GALNT17: variants seen among roughly 807,000 people sequenced by gnomAD.
The protein encoded by GALNT17 is polypeptide N-acetylgalactosaminyltransferase 17.
In GALNT17, 29 loss-of-function variants were observed where a neutral mutation model predicts 63.7. The ratio of observed to expected loss-of-function variants is 0.46; its 90% CI spans 0.34 to 0.62. GALNT17 has a LOEUF of 0.62. Among genes scored for constraint, GALNT17 ranks in the 20% least tolerant of loss-of-function variants. GALNT17 has a pLI of 0.01. For missense variants in GALNT17, 603 were observed against 799.6 expected, an observed-to-expected ratio of 0.75 and a Z score of 2.97; for synonymous variants, 305 against 318.3, an observed-to-expected ratio of 0.96 and a Z score of 0.45.
chr7:71,495,555 C>T (rs1396648347), intron 5 of GALNT17, among the ~76,000 whole-genome samples: 2 of 152,110 alleles, frequency 1.3e-5, no homozygotes, highest in East Asian at 3.9e-4. Flanking sequence ...ATAGCATGCC[C>T]AGGACTAGTA....
chr7:71,290,195 A>G (rs772267034), intron 1 of GALNT17, among the ~76,000 whole-genome samples: 4 of 152,206 alleles, frequency 2.6e-5, no homozygotes, highest in Admixed American at 6.5e-5. Flanking sequence ...GAAACCGTGT[A>G]CCTATTAGCA....
chr7:71,170,440 A>T (rs944966813), intron 1 of GALNT17, among the ~76,000 whole-genome samples: 1 of 151,986 alleles, frequency 6.6e-6, no homozygotes, highest in African/African-American at 2.4e-5. Flanking sequence ...GGTTCGAGCG[A>T]TTCTCCTGCT....
At chr7:71,457,305 G>A (rs755004708) in intron 5 of GALNT17, among the ~76,000 whole-genome samples, 3 of 152,192 alleles carry the variant, frequency 2.0e-5, no homozygotes, top group African/African-American at 4.8e-5. Context: ...AAAATAGGAA[G>A]CAGGTTTGCC....
chr7:71,338,071 T>C (rs1427051214), intron 2 of GALNT17, among the ~76,000 whole-genome samples: 1 of 151,968 alleles, frequency 6.6e-6, no homozygotes, highest in Non-Finnish European at 1.5e-5. Flanking sequence ...CGGTGGCCTG[T>C]AATCCCAGCA....
At chr7:71,422,922 A>G (rs2116459861) in intron 5 of GALNT17, among the ~76,000 whole-genome samples, 1 of 152,232 alleles carries the variant, frequency 6.6e-6, no homozygotes, top group Non-Finnish European at 1.5e-5. Flanking sequence ...TGGAGTGGGA[A>G]GGTGGTCTTC....
intron 6 of GALNT17, among the ~76,000 whole-genome samples, chr7:71,580,928 G>A (rs1584067107): frequency 6.6e-6 from 1 of 152,164 alleles, no homozygotes; most frequent in African/African-American, 2.4e-5. Context: ...TTTAGGAGGT[G>A]TGATAGACAG....
chr7:71,428,252 C>T (rs1260702081), intron 5 of GALNT17, among the ~76,000 whole-genome samples: 1 of 152,158 alleles, frequency 6.6e-6, no homozygotes, highest in Non-Finnish European at 1.5e-5. Context: ...ACTTCCTATT[C>T]CTCCCTCCCA....
intron 6 of GALNT17, among the ~76,000 whole-genome samples, chr7:71,657,253 C>G (rs1790842124): frequency 6.6e-6 from 1 of 152,060 alleles, no homozygotes; most frequent in Admixed American, 6.6e-5. Flanking sequence ...CACTCATATT[C>G]TAATGTCATT....
At chr7:71,669,648 A>C (rs1476252880) in intron 7 of GALNT17, among the ~76,000 whole-genome samples, 1 of 140,044 alleles carries the variant, frequency 7.1e-6, no homozygotes, top group Admixed American at 7.7e-5. Flanking sequence ...TGCAACCTCC[A>C]CCTCCTGGGT....
At chr7:71,452,112 G>T (rs12674074) in intron 5 of GALNT17, among the ~76,000 whole-genome samples, 1 of 151,840 alleles carries the variant, frequency 6.6e-6, no homozygotes, top group Non-Finnish European at 1.5e-5. Context: ...TAAATAGGGC[G>T]CACACCTGTA....
At chr7:71,701,803 G>GTGTA (rs748188265) in intron 9 of GALNT17, among the ~76,000 whole-genome samples, 12,048 of 30,218 alleles carry the variant, frequency 0.4, 942 homozygotes, top group South Asian at 0.45. Context: ...GTGTGTGTGT[G>GTGTA]TATATATATA....
intron 6 of GALNT17, among the ~76,000 whole-genome samples, chr7:71,633,264 G>C (rs953509486): frequency 6.6e-6 from 1 of 152,094 alleles, no homozygotes; most frequent in Non-Finnish European, 1.5e-5. Flanking sequence ...CCCGGCTGTG[G>C]GTTGGGAAGG....
chr7:71,153,352 G>A (rs1026410360), intron 1 of GALNT17, among the ~76,000 whole-genome samples: 2 of 152,316 alleles, frequency 1.3e-5, no homozygotes, highest in East Asian at 3.9e-4. Context: ...TGACATCGCC[G>A]TGGTGGCAGT....
intron 1 of GALNT17, among the ~76,000 whole-genome samples, chr7:71,144,950 G>A (rs139038845): frequency 0.01 from 1,589 of 152,234 alleles, 6 homozygotes; most frequent in African/African-American, 0.019. Flanking sequence ...GGATGGTCTT[G>A]ATCTCCTGAC....
chr7:71,469,025 C>T (rs775092328), intron 5 of GALNT17, among the ~76,000 whole-genome samples: 10 of 151,994 alleles, frequency 6.6e-5, no homozygotes, highest in African/African-American at 1.9e-4. Context: ...AAGTGACATG[C>T]GTGCTCTGAT....
chr7:71,549,746 T>G (rs1789044554), intron 5 of GALNT17, among the ~76,000 whole-genome samples: 1 of 151,992 alleles, frequency 6.6e-6, no homozygotes, highest in Non-Finnish European at 1.5e-5. Context: ...GGGAATGGGG[T>G]CATACCAAGC....
chr7:71,514,714 G>T (rs1788418378), intron 5 of GALNT17, among the ~76,000 whole-genome samples: 1 of 152,214 alleles, frequency 6.6e-6, no homozygotes, highest in East Asian at 1.9e-4. Flanking sequence ...TTTCTCTAAG[G>T]TATACATTCA....
intron 6 of GALNT17, among the ~76,000 whole-genome samples, chr7:71,664,521 G>T (rs1445835318): frequency 6.6e-6 from 1 of 152,144 alleles, no homozygotes; most frequent in African/African-American, 2.4e-5. Context: ...TGAGGCAGGA[G>T]GATCACTTGA....
intron 5 of GALNT17, among the ~76,000 whole-genome samples, chr7:71,482,402 G>A (rs1234705433): frequency 2.0e-5 from 3 of 152,042 alleles, no homozygotes; most frequent in Non-Finnish European, 2.9e-5. Context: ...TGCCTGCCTC[G>A]GCCTCACAAA....
Sources: allele counts gnomAD v4.1 joint callset (sites outside exome capture counted in the v4.1 genomes callset), GRCh38; gene constraint gnomAD v4.1.1; transcripts MANE v1.5; gene names NCBI Gene and HGNC (gene_info 2026-07-23, HGNC 2026-07-21).